The following HS1BP3 variants were observed in gnomAD, a reference collection of about 807,000 sequenced individuals.
The protein encoded by HS1BP3 is HCLS1-binding protein 3.
HS1BP3 carries 32 observed loss-of-function variants against 33.5 expected under a neutral mutation model. The observed-to-expected ratio is 0.95, with a 90% CI of 0.72 to 1.28. The LOEUF is 1.28. Ranked by LOEUF, HS1BP3 falls within the 50% of genes most tolerant of loss-of-function variation. HS1BP3 has a pLI of 0.00. For synonymous variants in HS1BP3, 187 were observed against 209.2 expected (o/e 0.89, Z 0.92); for missense variants, 486 against 502.3 (o/e 0.97, Z 0.31).
At chr2:20,620,059 C>CA (rs1361956698) in intron 6 of HS1BP3, among the ~76,000 whole-genome samples, 1 of 152,178 alleles carries the variant, frequency 6.6e-6, no homozygotes, top group Non-Finnish European at 1.5e-5. Context: ...GTACTGAGGG[C>CA]AAGAAACAGG....
chr2:20,641,781 G>A (rs754861843), intron 2 of HS1BP3, among the ~76,000 whole-genome samples: 2 of 152,188 alleles, frequency 1.3e-5, no homozygotes, highest in Admixed American at 6.5e-5. Context: ...CTGACTCAGA[G>A]AGGGCAGCAC....
In HS1BP3 at chr2:20,604,234, A is replaced by C. The variant is rs74354189; in HGVS notation, c.179-5969T>G. On this transcript the variant is annotated intron_variant, in intron 2 of 3. Coordinates refer to the HS1BP3 transcript ENST00000415264. ...TTTGTCCCTGTTCCCCATGGAGCCT[A>C]GGGGATGGTCTAAGAGGCTGTCTAC... Among the ~76,000 whole-genome samples, 1,100 of 152,324 alleles carry C rather than the reference A, an allele frequency of 7.2e-3. 5 individuals carry two copies. Among genetic ancestry groups the C allele is most frequent in the African/African-American group, 0.023 (938 of 41,570 alleles).
At chr2:20,557,641 G>T (rs371763473), downstream of HS1BP3, among the ~76,000 whole-genome samples, 6 of 152,282 alleles carry the variant, frequency 3.9e-5, no homozygotes, top group East Asian at 5.8e-4. Context: ...AAGTCTTTGG[G>T]TCCCTCTGAG....
chr2:20,605,425 G>T (rs950835214), intron 2 of HS1BP3, among the ~76,000 whole-genome samples: 1 of 152,062 alleles, frequency 6.6e-6, no homozygotes, highest in Non-Finnish European at 1.5e-5. Context: ...TTTGTTTTTG[G>T]TGGTGGCGGT....
In HS1BP3 at chr2:20,610,671, C is replaced by G. The variant is rs184735397; in HGVS notation, c.179-12406G>C. Among the ~76,000 whole-genome samples, 148 of 152,336 alleles carry G rather than the reference C, an allele frequency of 9.7e-4. 1 individual carries two copies. Among genetic ancestry groups the G allele is most frequent in the Admixed American group, 8.3e-3 (127 of 15,308 alleles). ...CTCCCAAGTCTTGGTAATTGTGAAT[C>G]AAGCTGCTATAAGCATCCATGTACA... On this transcript the variant is annotated intron_variant, in intron 2 of 3. Coordinates refer to the HS1BP3 transcript ENST00000415264.
chr2:20,589,962 C>T (rs907163312), downstream of HS1BP3, among the ~76,000 whole-genome samples: 1 of 152,182 alleles, frequency 6.6e-6, no homozygotes, highest in Non-Finnish European at 1.5e-5. Context: ...TGGGTCCCAG[C>T]AGCTCTCAGT....
At chr2:20,622,987 G>A (rs577063993) in intron 6 of HS1BP3, 1 of 153,074 alleles carries the variant, frequency 6.5e-6, no homozygotes, top group African/African-American at 2.4e-5. Flanking sequence ...GCATGCCTTG[G>A]TGTCACATAA....
At chr2:20,649,883 C>T (rs1032249407) in intron 1 of HS1BP3, among the ~76,000 whole-genome samples, 15 of 152,198 alleles carry the variant, frequency 9.9e-5, no homozygotes, top group African/African-American at 3.6e-4. Flanking sequence ...AGCCACCCAC[C>T]CCATCCCAAG....
intron 1 of HS1BP3, among the ~76,000 whole-genome samples, chr2:20,646,464 C>T (rs564135500): frequency 6.6e-6 from 1 of 152,380 alleles, no homozygotes; most frequent in African/African-American, 2.4e-5. Context: ...GGACCCCTCA[C>T]ATCCCACGCT....
chr2:20,587,429 G>T (rs1023620733), intron 5 of HS1BP3, among the ~76,000 whole-genome samples: 11 of 152,188 alleles, frequency 7.2e-5, no homozygotes, highest in Non-Finnish European at 1.2e-4. Context: ...CTCTCCTGAG[G>T]ATGGTAGGGA....
intron 5 of HS1BP3, among the ~76,000 whole-genome samples, chr2:20,584,183 G>A (rs2149276706): frequency 6.6e-6 from 1 of 152,342 alleles, no homozygotes; most frequent in South Asian, 2.1e-4. Flanking sequence ...ACATGGAGTT[G>A]CACCCTTCCT....
downstream of HS1BP3, among the ~76,000 whole-genome samples, chr2:20,557,953 T>C (rs912131230): frequency 1.3e-5 from 2 of 152,164 alleles, no homozygotes; most frequent in Non-Finnish European, 2.9e-5. Flanking sequence ...GTTTCTGCCT[T>C]ATCCCAAGTT....
chr2:20,563,628 G>A (rs1205385553), intron 5 of HS1BP3, among the ~76,000 whole-genome samples: 3 of 152,206 alleles, frequency 2.0e-5, no homozygotes, highest in African/African-American at 7.2e-5. Context: ...TGGTCCCCGA[G>A]ATGGAGAGTG....
At chr2:20,628,478 T>C (rs1017664348) in intron 4 of HS1BP3, among the ~76,000 whole-genome samples, 3 of 151,934 alleles carry the variant, frequency 2.0e-5, no homozygotes, top group Non-Finnish European at 2.9e-5. Flanking sequence ...CTACTAAAAA[T>C]ACAAAAATTA....
downstream of HS1BP3, among the ~76,000 whole-genome samples, chr2:20,614,124 A>G (rs562999181): frequency 6.6e-6 from 1 of 152,304 alleles, no homozygotes; most frequent in Admixed American, 6.5e-5. Flanking sequence ...AGACAAAGGC[A>G]GAGGCTGGGG....
chr2:20,639,789 A>G (rs1695282311), intron 3 of HS1BP3, among the ~76,000 whole-genome samples: 1 of 152,222 alleles, frequency 6.6e-6, no homozygotes, highest in Non-Finnish European at 1.5e-5. Context: ...CCTCTCCACC[A>G]GAGAGGGGCT....
intron 5 of HS1BP3, among the ~76,000 whole-genome samples, chr2:20,563,894 G>A (rs1693062136): frequency 6.6e-6 from 1 of 152,202 alleles, no homozygotes; most frequent in African/African-American, 2.4e-5. Flanking sequence ...CAGACCCCAA[G>A]GGGTTTTCTG....
intron 5 of HS1BP3, chr2:20,586,276 G>A (rs938481100): frequency 2.6e-5 from 4 of 152,032 alleles, no homozygotes; most frequent in East Asian, 3.9e-4. Context: ...TTTTTTTGGC[G>A]GGAAAGATCA....
intron 1 of HS1BP3, among the ~76,000 whole-genome samples, chr2:20,650,722 C>G (rs901012427): frequency 6.6e-6 from 1 of 152,210 alleles, no homozygotes; most frequent in Non-Finnish European, 1.5e-5. Flanking sequence ...AAGAGAAGAA[C>G]CCAAGGCGGT....
Sources: allele counts gnomAD v4.1 joint callset (sites outside exome capture counted in the v4.1 genomes callset), GRCh38; gene constraint gnomAD v4.1.1; transcripts MANE v1.5; gene names NCBI Gene and HGNC (gene_info 2026-07-23, HGNC 2026-07-21).